The following TOMM40 variants were observed in gnomAD, a reference collection of about 807,000 sequenced individuals.
The protein encoded by TOMM40 is mitochondrial import receptor subunit TOM40 homolog.
Under a neutral mutation model 38.4 loss-of-function variants are expected in TOMM40, and 9 were observed. The ratio of observed to expected loss-of-function variants is 0.23; its 90% CI spans 0.14 to 0.41. The LOEUF (loss-of-function observed/expected upper bound fraction) is 0.41, where lower values mean the gene tolerates loss of function less well. Among genes scored for constraint, TOMM40 ranks in the 10% least tolerant of loss-of-function variants. The pLI is 1.00. For synonymous variants in TOMM40, 184 were observed against 210.0 expected, an observed-to-expected ratio of 0.88 and a Z score of 1.07; for missense variants, 299 against 486.5, an observed-to-expected ratio of 0.61 and a Z score of 3.63.
intron 8 of TOMM40, chr19:44,901,692 G>T (rs543927984): frequency 2.5e-4 from 76 of 307,008 alleles, no homozygotes; most frequent in Admixed American, 4.2e-4. Context: ...AGCCGAGATC[G>T]TGCCACCGCA....
rs536598319 is a variant in TOMM40 at position 44,893,854 on chromosome 19, C to T, written c.510C>T (p.Pro170=). The change falls in exon 4 of 9, where the codon CCC becomes CCT. Residue 170 remains proline (P), a synonymous_variant. Transcript: ENST00000426677. ...LNAQVIHQLG[P]GLRSKMAIQT... Reference sequence around the variant, plus strand: ...CTCAGGTCATTCACCAGCTGGGCCCCGGTCTCAGGTCCAAGATGGCCATCC... The same window carrying T: ...CTCAGGTCATTCACCAGCTGGGCCCTGGTCTCAGGTCCAAGATGGCCATCC... 18 of 1,612,310 alleles carry T rather than the reference C, an allele frequency of 1.1e-5. No homozygotes were observed. Among genetic ancestry groups the T allele is most frequent in the East Asian group, 6.7e-5 (3 of 44,882 alleles).
At chr19:44,901,643 G>A (rs1489024224) in intron 8 of TOMM40, 3 of 455,698 alleles carry the variant, frequency 6.6e-6, no homozygotes, top group South Asian at 3.9e-5. Flanking sequence ...AGGCTGAGGC[G>A]GGAAAATGGT....
intron 5 of TOMM40, among the ~76,000 whole-genome samples, chr19:44,897,071 C>G (rs1267069513): frequency 1.3e-5 from 2 of 152,014 alleles, no homozygotes; most frequent in Non-Finnish European, 2.9e-5. Context: ...GCTGAGGAAC[C>G]CATATCTTCT....
rs773863988 is a variant in TOMM40 at position 44,903,056 on chromosome 19, G to T, written c.973G>T (p.Gly325Cys). ...KGSVDSNWIV[G>C]ATLEKKLPPL... Reference sequence around the variant, plus strand: ...CTCTGTGGATAGCAACTGGATCGTGGGTGCCACGCTGGAGAAGAAGCTCCC... The same window carrying T: ...CTCTGTGGATAGCAACTGGATCGTGTGTGCCACGCTGGAGAAGAAGCTCCC... The change falls in exon 9 of 9, where the codon GGT (glycine) becomes TGT (cysteine). Residue 325 changes from glycine to cysteine, a missense_variant. Transcript: ENST00000426677. 2 of 1,613,140 alleles carry T rather than the reference G, an allele frequency of 1.2e-6. No homozygotes were observed. The highest frequency in any genetic ancestry group is 1.7e-6 in the Non-Finnish European group (2 of 1,179,966).
chr19:44,895,341 G>A (rs1194027593), intron 5 of TOMM40, among the ~76,000 whole-genome samples: 3 of 152,130 alleles, frequency 2.0e-5, no homozygotes, highest in Non-Finnish European at 2.9e-5. Flanking sequence ...AGGAACAGGG[G>A]TGAGGGAAGG....
intron 1 of TOMM40, among the ~76,000 whole-genome samples, 197 bp from the exon 2 acceptor site, chr19:44,892,196 C>G (rs1032837685): frequency 2.0e-5 from 3 of 152,182 alleles, no homozygotes; most frequent in Admixed American, 1.3e-4. Flanking sequence ...TAAAGTTGCT[C>G]AGCTTGGTGG....
rs757204651 is a variant in TOMM40, at chr19:44,891,620, G to A, written c.205G>A (p.Ala69Thr). Residue 69 changes from alanine to threonine, a missense_variant, in exon 1 of 9, where the codon GCC becomes ACC. Ala to Thr is a moderately conservative substitution (Grantham distance 58). Transcript: ENST00000426677. ...TGCAACCGCCAGCGCCTCAGGGGCCGCCGAGGATGGGGCCTGCGGCTGCCT... is the reference window on the plus strand; with the variant it reads ...TGCAACCGCCAGCGCCTCAGGGGCCACCGAGGATGGGGCCTGCGGCTGCCT... ...GAATASASGAAEDGACGCLPN... is the reference protein window; with the variant it reads ...GAATASASGATEDGACGCLPN... 44 of 1,482,412 alleles carry A rather than the reference G, an allele frequency of 3.0e-5. No homozygotes were observed. The highest frequency in any genetic ancestry group is 2.4e-4 in the Middle Eastern group (1 of 4,232). 91.8% of individuals were successfully genotyped at this position (1,482,412 alleles called of 1,614,324 possible). A position where few individuals can be genotyped will look rare whatever the true frequency, so the allele number is the denominator to read the frequency against.
At chr19:44,893,712 C>G (rs967832320) in intron 3 of TOMM40, 68 bp from the exon 4 acceptor site, 2 of 1,362,806 alleles carry the variant, frequency 1.5e-6, no homozygotes, top group African/African-American at 2.9e-5. Context: ...AGGCTTCTCA[C>G]CCCGGCCCAT....
Position 44,891,371 on chromosome 19 carries a change from C to A in TOMM40, c.-45C>A. ...TTGCTGGGGCTGAGTCGGGGGCGCGCGGGCCCTGACCTCTGCCCTCTGACC... is the reference window on the plus strand; with the variant it reads ...TTGCTGGGGCTGAGTCGGGGGCGCGAGGGCCCTGACCTCTGCCCTCTGACC... On this transcript the variant is annotated 5_prime_UTR_variant, in exon 1 of 9. Coordinates refer to ENST00000426677, the MANE Select transcript of TOMM40 (RefSeq NM_001128917.2). The A allele has an allele frequency of 8.1e-7, 1 of 1,234,308 alleles. No individual in the cohort carries two copies. Among genetic ancestry groups the A allele is most frequent in the Non-Finnish European group, 1.0e-6 (1 of 987,460 alleles). 76.5% of individuals were successfully genotyped at this position (1,234,308 alleles called of 1,614,324 possible).
At chr19:44,894,261 CTTTTTT>C (rs35647923) in intron 5 of TOMM40, among the ~76,000 whole-genome samples, 195 bp downstream of exon 5, 6,763 of 133,634 alleles carry the variant, frequency 0.051, 225 homozygotes, top group Non-Finnish European at 0.075. Context: ...TCAGAGCAGT[CTTTTTT>C]TTTTTTTTTT....
chr19:44,893,673 G>A (rs1006548642), intron 3 of TOMM40, 107 bp from the exon 4 acceptor site: 3 of 886,128 alleles, frequency 3.4e-6, no homozygotes, highest in Admixed American at 2.7e-5. Context: ...CGTGGAGGAG[G>A]GGACCCCCAT....
chr19:44,898,052 G>T (rs1245522764), intron 5 of TOMM40, among the ~76,000 whole-genome samples: 3 of 152,060 alleles, frequency 2.0e-5, no homozygotes. Context: ...TCTGATCTCA[G>T]CCTCCCCAGA....
intron 8 of TOMM40, 152 bp from the exon 9 acceptor site, chr19:44,902,878 G>C (rs1969709303): frequency 1.1e-6 from 1 of 925,946 alleles, no homozygotes; most frequent in Non-Finnish European, 1.6e-6. Flanking sequence ...CCAGCGTGAA[G>C]TTGTTGGTGT....
At chr19:44,896,953 C>A (rs1969577700) in intron 5 of TOMM40, among the ~76,000 whole-genome samples, 1 of 152,212 alleles carries the variant, frequency 6.6e-6, no homozygotes, top group Non-Finnish European at 1.5e-5. Flanking sequence ...ACTGGGGACG[C>A]TGAGCTGGCA....
intron 1 of TOMM40, 141 bp from the exon 2 acceptor site, chr19:44,892,252 C>A: frequency 1.2e-6 from 1 of 835,160 alleles, no homozygotes. Context: ...TCTAACTAGG[C>A]TGTACTGCCT....
At chr19:44,893,713 C>T in intron 3 of TOMM40, 67 bp from the exon 4 acceptor site, 1 of 1,369,476 alleles carries the variant, frequency 7.3e-7, no homozygotes, top group Non-Finnish European at 1.0e-6. Context: ...GGCTTCTCAC[C>T]CCGGCCCATC....
intron 5 of TOMM40, among the ~76,000 whole-genome samples, chr19:44,896,434 G>A (rs1219530401): frequency 1.3e-5 from 2 of 152,218 alleles, no homozygotes; most frequent in African/African-American, 4.8e-5. Flanking sequence ...GTCCATGAGA[G>A]GGCCCGACTT....
intron 1 of TOMM40, 24 bp downstream of exon 1, chr19:44,891,713 G>C: frequency 7.0e-7 from 1 of 1,425,022 alleles, no homozygotes; most frequent in Non-Finnish European, 9.1e-7. Flanking sequence ...GGCCCCCGCT[G>C]GGCTGCGATG....
At position 44,892,877 on chromosome 19, in the gene TOMM40, A is replaced by T; in HGVS notation, c.383A>T (p.Asn128Ile). ...TVALSTIGES[N>I]YHFGVTYVGT... ...GCCCTCAGCACAATCGGGGAGTCCA[A>T]CTACCACTTCGGGGTCACATATGTG... is the stretch of plus-strand genomic sequence containing the variant. Residue 128 changes from asparagine (N) to isoleucine (I), a missense_variant, in exon 3 of 9, where the codon AAC (asparagine) becomes ATC (isoleucine). Transcript: ENST00000426677. The T allele has an allele frequency of 3.1e-6, 5 of 1,613,988 alleles. No homozygotes were observed. The highest frequency in any genetic ancestry group is 4.2e-6 in the Non-Finnish European group (5 of 1,179,894).
Sources: allele counts gnomAD v4.1 joint callset (sites outside exome capture counted in the v4.1 genomes callset), GRCh38; gene constraint gnomAD v4.1.1; transcripts MANE v1.5; gene names NCBI Gene and HGNC (gene_info 2026-07-23, HGNC 2026-07-21).